Variants in ATP8A2 observed in about 807,000 individuals in gnomAD.
The protein encoded by ATP8A2 is ATPase phospholipid transporting 8A2.
In ATP8A2, 100 loss-of-function variants were observed where a neutral mutation model predicts 165.6. The observed-to-expected ratio is 0.60, with a 90% CI of 0.51 to 0.71. ATP8A2 has a LOEUF of 0.71. ATP8A2 is among the 30% of genes least tolerant of loss of function. ATP8A2 has a pLI of 0.00. For synonymous variants in ATP8A2, 543 were observed against 548.8 expected (o/e 0.99, Z 0.15); for missense variants, 1,227 against 1,479.5 (o/e 0.83, Z 2.80).
chr13:25,647,830 T>G (rs1280761650), intron 24 of ATP8A2, among the ~76,000 whole-genome samples: 1 of 151,840 alleles, frequency 6.6e-6, no homozygotes, highest in Non-Finnish European at 1.5e-5. Context: ...GGATTACAGG[T>G]GCCTGCCACC....
chr13:25,500,128 A>G (rs1344185543), intron 2 of ATP8A2, among the ~76,000 whole-genome samples: 3 of 152,170 alleles, frequency 2.0e-5, no homozygotes, highest in Non-Finnish European at 4.4e-5. Context: ...CCATAAATGT[A>G]TTGCCTGCTC....
chr13:25,862,355 A>G lies in ATP8A2; in HGVS notation c.3130A>G (p.Ile1044Val). 6.2e-7 allele frequency: 1 copy of G among 1,614,118 alleles called. No individual in the cohort carries two copies. Among genetic ancestry groups the G allele is most frequent in the Non-Finnish European group, 8.5e-7 (1 of 1,179,992 alleles). The part of the protein sequence containing the change: ...SMLTWLVFFG[I>V]YSTIWPTIPI... ...GCTGACCTGGCTGGTGTTTTTTGGCATCTACTCGACCATCTGGCCCACCAT... is the reference window on the plus strand; with the variant it reads ...GCTGACCTGGCTGGTGTTTTTTGGCGTCTACTCGACCATCTGGCCCACCAT... Residue 1044 changes from isoleucine (I) to valine (V), a missense_variant, in exon 33 of 37, where the codon ATC (isoleucine) becomes GTC (valine). Transcript: ENST00000381655.
In ATP8A2 at chr13:25,901,161, G is replaced by A. The variant is rs555066837; in HGVS notation, c.3183+38753G>A. On this transcript the variant is annotated intron_variant, in intron 33 of 36. Coordinates refer to ENST00000381655, the MANE Select transcript of ATP8A2 (RefSeq NM_016529.6). ...GAGGGCTAAGGGAGGCCTAAAATGC[G>A]GGACATTGGAGAGGAAATGTTCTGG... Among the ~76,000 whole-genome samples the A allele has an allele frequency of 1.4e-4, 22 of 152,286 alleles. 1 individual carries two copies. In the South Asian group the frequency reaches 3.9e-3, roughly 27 times the overall value.
At chr13:25,484,538 A>G (rs1424052180) in intron 2 of ATP8A2, among the ~76,000 whole-genome samples, 1 of 151,878 alleles carries the variant, frequency 6.6e-6, no homozygotes, top group East Asian at 1.9e-4. Context: ...TTTTTTTGAG[A>G]CAGAGTCTCG....
intron 30 of ATP8A2, among the ~76,000 whole-genome samples, chr13:25,843,286 A>T (rs2138674912): frequency 6.6e-6 from 1 of 152,190 alleles, no homozygotes; most frequent in South Asian, 2.1e-4. Flanking sequence ...CTGGACTCTG[A>T]ACTCTGTCAG....
At chr13:25,400,621 G>A (rs903515592) in intron 1 of ATP8A2, among the ~76,000 whole-genome samples, 14 of 152,160 alleles carry the variant, frequency 9.2e-5, no homozygotes, top group African/African-American at 1.4e-4. Flanking sequence ...ATCCTTTCCC[G>A]ATGACTCCGG....
chr13:26,009,182 A>T (rs1956795625), intron 35 of ATP8A2, among the ~76,000 whole-genome samples: 1 of 152,218 alleles, frequency 6.6e-6, no homozygotes, highest in South Asian at 2.1e-4. Context: ...CATTTGCAGG[A>T]CTTGGTATAA....
At chr13:25,546,627 A>G (rs945001638) in intron 10 of ATP8A2, among the ~76,000 whole-genome samples, 1 of 150,894 alleles carries the variant, frequency 6.6e-6, no homozygotes, top group Non-Finnish European at 1.5e-5. Flanking sequence ...AATTTCTATT[A>G]GTTGATTTAA....
chr13:25,386,365 G>A (rs11843414), intron 1 of ATP8A2, among the ~76,000 whole-genome samples: 4 of 152,212 alleles, frequency 2.6e-5, no homozygotes, highest in South Asian at 2.1e-4. Flanking sequence ...TGTAGAGTCC[G>A]ATTAACCAAC....
At position 25,531,396 on chromosome 13, in the gene ATP8A2, GATTATATATATGA is replaced by G. The variant is rs1469099535; in HGVS notation, c.420+737_420+749del. ...TATGTTATATATATGATATATATAT[GATTATATATATGA>G]TTATATATATGATATATATATGATT... On this transcript the variant is annotated intron_variant, in intron 4 of 36. Coordinates refer to ENST00000381655, the MANE Select transcript of ATP8A2 (RefSeq NM_016529.6). Among the ~76,000 whole-genome samples the G allele has an allele frequency of 2.5e-3, 173 of 69,480 alleles. 2 individuals are homozygous for G. Among genetic ancestry groups the G allele is most frequent in the African/African-American group, 0.016 (147 of 9,210 alleles). The allele number at this position is 69,480 out of a possible 152,430, so 45.6% of individuals were successfully genotyped here.
chr13:26,006,118 T>C (rs1393567067), intron 35 of ATP8A2, among the ~76,000 whole-genome samples: 1 of 152,046 alleles, frequency 6.6e-6, no homozygotes, highest in Non-Finnish European at 1.5e-5. Context: ...AGTATTGCTA[T>C]CTTAACAGTA....
intron 16 of ATP8A2, among the ~76,000 whole-genome samples, chr13:25,568,310 T>A (rs944465281): frequency 2.0e-5 from 3 of 152,236 alleles, no homozygotes; most frequent in African/African-American, 7.2e-5. Context: ...TGAATCATTA[T>A]GCCTAAGATT....
At chr13:25,718,557 G>A (rs1431517995) in intron 25 of ATP8A2, among the ~76,000 whole-genome samples, 5 of 152,122 alleles carry the variant, frequency 3.3e-5, no homozygotes, top group Non-Finnish European at 7.4e-5. Context: ...AAGTATCCAG[G>A]GAGAGGGTTG....
intron 33 of ATP8A2, among the ~76,000 whole-genome samples, chr13:25,926,021 C>G (rs753007967): frequency 1.6e-4 from 24 of 152,146 alleles, no homozygotes; most frequent in Non-Finnish European, 5.9e-5. Flanking sequence ...CCACCGCACC[C>G]AGTCAGTTCT....
chr13:25,889,245 C>CTCATATATATATATAT (rs1385731913), intron 33 of ATP8A2, among the ~76,000 whole-genome samples: 2 of 109,972 alleles, frequency 1.8e-5, no homozygotes, highest in Non-Finnish European at 3.4e-5. Context: ...CATCCTTTGT[C>CTCATATATATATATAT]ATATATATAT....
intron 33 of ATP8A2, among the ~76,000 whole-genome samples, chr13:25,917,299 C>T (rs1954297353): frequency 6.6e-6 from 1 of 152,160 alleles, no homozygotes; most frequent in Non-Finnish European, 1.5e-5. Flanking sequence ...CTTGTCTTCC[C>T]TTCCCTTCCT....
At chr13:25,892,756 C>T (rs1420445760) in intron 33 of ATP8A2, among the ~76,000 whole-genome samples, 1 of 151,934 alleles carries the variant, frequency 6.6e-6, no homozygotes, top group Admixed American at 6.6e-5. Context: ...CTGTATGGGG[C>T]CACAGTTTGG....
chr13:25,617,197 G>T, intron 24 of ATP8A2, among the ~76,000 whole-genome samples: 1 of 152,246 alleles, frequency 6.6e-6, no homozygotes, highest in Non-Finnish European at 1.5e-5. Flanking sequence ...ATGCCAAACC[G>T]AATGCAAGCT....
chr13:25,455,693 C>A (rs940611666), intron 1 of ATP8A2, among the ~76,000 whole-genome samples: 1 of 152,202 alleles, frequency 6.6e-6, no homozygotes, highest in Non-Finnish European at 1.5e-5. Flanking sequence ...AGTCACCTGC[C>A]AGACTCCGTT....
Sources: allele counts gnomAD v4.1 joint callset (sites outside exome capture counted in the v4.1 genomes callset), GRCh38; gene constraint gnomAD v4.1.1; transcripts MANE v1.5; gene names NCBI Gene and HGNC (gene_info 2026-07-23, HGNC 2026-07-21).